The following SLC26A4 variants were observed in gnomAD, a reference collection of about 807,000 sequenced individuals.
The protein encoded by SLC26A4 is solute carrier family 26 member 4.
In SLC26A4, 93 loss-of-function variants were observed where a neutral mutation model predicts 90.4. The observed-to-expected ratio is 1.03, with a 90% CI of 0.87 to 1.22. SLC26A4 has a LOEUF of 1.22. Among genes scored for constraint, SLC26A4 ranks in the 50% most tolerant of loss-of-function variants. The probability of loss-of-function intolerance (pLI) is 0.00; values close to 1 mark genes in which losing one functional copy is unlikely to be tolerated. For missense variants in SLC26A4, 1,127 were observed against 946.2 expected, an observed-to-expected ratio of 1.19 and a Z score of -2.51; for synonymous variants, 393 against 354.6, an observed-to-expected ratio of 1.11 and a Z score of -1.22.
chr7:107,702,696 A>AAAG (rs1338872827), intron 17 of SLC26A4, among the ~76,000 whole-genome samples: 1 of 151,922 alleles, frequency 6.6e-6, no homozygotes, highest in Non-Finnish European at 1.5e-5. Context: ...AAAAAAAAAA[A>AAAG]AAAAAAGAAT....
intron 12 of SLC26A4, 82 bp downstream of exon 12, chr7:107,694,798 T>C: frequency 1.1e-6 from 1 of 932,626 alleles, no homozygotes; most frequent in Non-Finnish European, 1.8e-6. Context: ...ATTCCCCCCA[T>C]CCCCTAAGTC....
At position 107,694,083 on chromosome 7, in the gene SLC26A4, A is replaced by G. The variant is rs552309875; in HGVS notation, c.1264-320A>G. Among the ~76,000 whole-genome samples the G allele has an allele frequency of 1.8e-4, 27 of 152,286 alleles. 1 individual carries two copies. The highest frequency in any genetic ancestry group is 6.0e-4 in the African/African-American group (25 of 41,568). On this transcript the variant is annotated intron_variant, in intron 10 of 20. Transcript: ENST00000644269. The stretch of plus-strand genomic sequence containing the variant: ...TTTCCTGCCATGGTAAATAACTAGA[A>G]GCTTGGCCTGAATGGACGCCGAAAC...
At chr7:107,680,276 T>C (rs1248739697) in intron 6 of SLC26A4, among the ~76,000 whole-genome samples, 2 of 107,904 alleles carry the variant, frequency 1.9e-5, no homozygotes, top group African/African-American at 7.6e-5. Context: ...TCTTATTATA[T>C]AATATAATCT....
intron 3 of SLC26A4, among the ~76,000 whole-genome samples, chr7:107,664,600 T>C (rs1790659090): frequency 6.6e-6 from 1 of 152,230 alleles, no homozygotes; most frequent in Non-Finnish European, 1.5e-5. Context: ...CTTCCTAGCC[T>C]GGACTCCACA....
intron 10 of SLC26A4, chr7:107,691,708 T>C (rs922431141): frequency 1.2e-4 from 59 of 490,898 alleles, no homozygotes; most frequent in African/African-American, 1.1e-3. Flanking sequence ...TTGGAAGAAT[T>C]GGCCTCTTCC....
chr7:107,707,684 T>A (rs1279154004), intron 18 of SLC26A4, among the ~76,000 whole-genome samples: 4 of 152,214 alleles, frequency 2.6e-5, no homozygotes. Context: ...AACATATTAA[T>A]AACATATCTA....
intron 19 of SLC26A4, 66 bp downstream of exon 19, chr7:107,710,265 C>T (rs1792146855): frequency 8.4e-7 from 1 of 1,188,692 alleles, no homozygotes; most frequent in Non-Finnish European, 1.3e-6. Context: ...AAATGGCAAA[C>T]ATTACACAAG....
In SLC26A4 at chr7:107,704,231, T is replaced by C. The variant is rs867740105; in HGVS notation, c.2035-100T>C. On this transcript the variant is annotated intron_variant, in intron 17 of 20. Transcript: ENST00000644269. ...CTTTCCTTAAAGTCCTGATTAACCA[T>C]GAAAGTAATAATGTTTCTCCTGAGC... is the stretch of plus-strand genomic sequence containing the variant. 8.7e-6 allele frequency: 6 copies of C among 686,452 alleles called. No homozygotes were observed. In the Middle Eastern group the frequency reaches 1.2e-3, roughly 138 times the overall value. 42.5% of individuals were successfully genotyped at this position (686,452 alleles called of 1,614,324 possible).
intron 8 of SLC26A4, among the ~76,000 whole-genome samples, chr7:107,685,148 A>G (rs950741860): frequency 6.6e-6 from 1 of 152,102 alleles, no homozygotes; most frequent in Admixed American, 6.6e-5. Context: ...CAGTGACCCC[A>G]TTGGTGTTGT....
At position 107,701,976 on chromosome 7, in the gene SLC26A4, CA is replaced by C; in HGVS notation, c.1956del (p.Val653CysfsTer21). ...AGCTTCCAGTCAAAGTGAACGTTCC[CA>C]AAGTGCCAATCCATAGCCTTGTGCT... ...SELPVKVNVP[K>X]VPIHSLVLDC... On this transcript the variant is annotated frameshift_variant, in exon 17 of 21. Transcript: ENST00000644269. LOFTEE classifies it high-confidence loss of function. 1 of 1,613,958 alleles carries C rather than the reference CA, an allele frequency of 6.2e-7. No individual in the cohort carries two copies. The highest frequency in any genetic ancestry group is 8.5e-7 in the Non-Finnish European group (1 of 1,179,904).
At chr7:107,692,101 C>A (rs1414938116) in intron 10 of SLC26A4, 1 of 1,287,986 alleles carries the variant, frequency 7.8e-7, no homozygotes, top group South Asian at 1.2e-5. Context: ...TGTAAAGTGA[C>A]CTCCTTGGCA....
chr7:107,674,806 A>AT (rs1790977537), intron 5 of SLC26A4, 139 bp from the exon 6 acceptor site: 1 of 775,084 alleles, frequency 1.3e-6, no homozygotes, highest in Non-Finnish European at 2.2e-6. Context: ...AGAAATTCAT[A>AT]TTTTTTTCTA....
At chr7:107,695,746 G>A (rs1470827485) in intron 12 of SLC26A4, among the ~76,000 whole-genome samples, 187 bp from the exon 13 acceptor site, 2 of 152,114 alleles carry the variant, frequency 1.3e-5, no homozygotes, top group Non-Finnish European at 2.9e-5. Flanking sequence ...CCAGAAGATG[G>A]AGGCTGCAGT....
In SLC26A4 at chr7:107,689,196, AC is replaced by A. The variant is rs1374999656; in HGVS notation, c.1147del (p.Gln383ArgfsTer49). 6.2e-7 allele frequency: 1 copy of A among 1,613,540 alleles called. No individual in the cohort carries two copies. The highest frequency in any genetic ancestry group is 8.5e-7 in the Non-Finnish European group (1 of 1,179,692). ...AAGTATGATTACACCATCGATGGGA[AC>A]CAGGTATGGGTGCCCTTTTGCTGAA... ...ATKYDYTIDG[N>X]QEFIAFGISN... On this transcript the variant is annotated frameshift_variant, in exon 9 of 21. Coordinates refer to ENST00000644269, the MANE Select transcript of SLC26A4 (RefSeq NM_000441.2). LOFTEE classifies it high-confidence loss of function.
chr7:107,712,260 AG>A (rs1209599243), intron 19 of SLC26A4, among the ~76,000 whole-genome samples: 2 of 152,192 alleles, frequency 1.3e-5, no homozygotes, highest in African/African-American at 2.4e-5. Flanking sequence ...ATTTAGGCAG[AG>A]GGGGTGACTT....
chr7:107,687,829 C>T (rs1294563807), intron 8 of SLC26A4, among the ~76,000 whole-genome samples: 1 of 152,132 alleles, frequency 6.6e-6, no homozygotes, highest in East Asian at 1.9e-4. Flanking sequence ...AAGTGTGGTC[C>T]CAAGTCACAT....
chr7:107,683,680 C>T (rs1333409903), intron 8 of SLC26A4, 143 bp downstream of exon 8: 1 of 703,048 alleles, frequency 1.4e-6, no homozygotes, highest in Non-Finnish European at 2.4e-6. Flanking sequence ...AAGAAACAAC[C>T]ATAAGACAAA....
chr7:107,716,005 A>C lies in SLC26A4; in HGVS notation c.*559A>C, dbSNP rs1264570726. 3 of 152,726 alleles carry C rather than the reference A, an allele frequency of 2.0e-5. No homozygotes were observed. The highest frequency in any genetic ancestry group is 4.4e-5 in the Non-Finnish European group (3 of 68,346). The allele number at this position is 152,726 out of a possible 1,614,324, so 9.5% of individuals were successfully genotyped here. On this transcript the variant is annotated 3_prime_UTR_variant, in exon 21 of 21. Coordinates refer to ENST00000644269, the MANE Select transcript of SLC26A4 (RefSeq NM_000441.2). ...GTATCTAATAATGAAGTGTTATTACATATAGCCGGAATTGAGGATCTCTTT... is the reference window on the plus strand; with the variant it reads ...GTATCTAATAATGAAGTGTTATTACCTATAGCCGGAATTGAGGATCTCTTT...
At chr7:107,680,126 CTTATTATATAATATAATCTTATCTTA>C (rs1562827240) in intron 6 of SLC26A4, among the ~76,000 whole-genome samples, 17 of 113,858 alleles carry the variant, frequency 1.5e-4, no homozygotes, top group East Asian at 2.4e-4. Flanking sequence ...ATAATCTTAT[CTTATTATATAATATAATCTTATCTTA>C]TTATATAATA....
Sources: allele counts gnomAD v4.1 joint callset (sites outside exome capture counted in the v4.1 genomes callset), GRCh38; gene constraint gnomAD v4.1.1; transcripts MANE v1.5; gene names NCBI Gene and HGNC (gene_info 2026-07-23, HGNC 2026-07-21).